Variants in CNGA3 observed in about 807,000 individuals in gnomAD.
The protein encoded by CNGA3 is cyclic nucleotide-gated channel alpha-3.
CNGA3 carries 42 observed loss-of-function variants against 46.6 expected under a neutral mutation model. That is an observed-to-expected ratio of 0.90 (90% CI 0.70 to 1.17). The LOEUF (loss-of-function observed/expected upper bound fraction) is 1.17, where lower values mean the gene tolerates loss of function less well. Ranked by LOEUF, CNGA3 falls within the 50% of genes most tolerant of loss-of-function variation. The pLI is 0.00. For synonymous variants in CNGA3, 394 were observed against 369.4 expected, an observed-to-expected ratio of 1.07 and a Z score of -0.76; for missense variants, 893 against 890.7, an observed-to-expected ratio of 1.00 and a Z score of -0.03.
At chr2:98,367,366 T>C (rs1390647424) in intron 1 of CNGA3, among the ~76,000 whole-genome samples, 2 of 151,626 alleles carry the variant, frequency 1.3e-5, no homozygotes, top group African/African-American at 4.8e-5. Flanking sequence ...GGCTAATTTT[T>C]TGTGTTTTTA....
intron 3 of CNGA3, 187 bp from the exon 4 acceptor site, chr2:98,379,988 G>T: frequency 1.5e-6 from 1 of 666,970 alleles, no homozygotes; most frequent in South Asian, 1.8e-5. Flanking sequence ...CGGTCCCCAT[G>T]GGGCAGAGAT....
At chr2:98,351,385 G>C (rs1455107352) in intron 1 of CNGA3, among the ~76,000 whole-genome samples, 1 of 152,192 alleles carries the variant, frequency 6.6e-6, no homozygotes, top group East Asian at 1.9e-4. Flanking sequence ...TCTCATGATA[G>C]TGAATAAGTC....
At chr2:98,367,674 C>T (rs1388395417) in intron 1 of CNGA3, among the ~76,000 whole-genome samples, 2 of 152,136 alleles carry the variant, frequency 1.3e-5, no homozygotes, top group Non-Finnish European at 2.9e-5. Flanking sequence ...CCCCCCATCA[C>T]CCCAGCTGTT....
chr2:98,369,118 G>A (rs1190320175), intron 1 of CNGA3, among the ~76,000 whole-genome samples: 2 of 152,202 alleles, frequency 1.3e-5, no homozygotes, highest in African/African-American at 2.4e-5. Flanking sequence ...TTAGCTTTGG[G>A]AAAGGGCTTT....
Position 98,396,787 on chromosome 2 carries a change from G to C in CNGA3, c.1617G>C (p.Val539=), listed in dbSNP as rs753933777. 1 of 1,614,198 alleles carries C rather than the reference G, an allele frequency of 6.2e-7. No individual in the cohort carries two copies. The highest frequency in any genetic ancestry group is 8.5e-7 in the Non-Finnish European group (1 of 1,180,052). The change falls in exon 8 of 8, where the codon GTG becomes GTC. Residue 539 remains valine, a synonymous_variant. Transcript: ENST00000272602. ...VVADDGVTQF[V]VLSDGSYFGE... ...CTGATGATGGGGTCACCCAGTTCGT[G>C]GTCCTCAGCGATGGCAGCTACTTCG...
rs771626009 is a variant in CNGA3, at chr2:98,380,126, T to TG, written c.216-43dup. On this transcript the variant is annotated intron_variant, in intron 3 of 7. Transcript: ENST00000272602. ...AGGGAAAGACTGGGGTTTGGGGGTG[T>TG]GGGGGGCTTTTCCTCTCCCTCTGGC... The TG allele has an allele frequency of 1.5e-5, 24 of 1,604,004 alleles. No homozygotes were observed. In the African/African-American group the frequency reaches 2.5e-4, roughly 17 times the overall value.
At chr2:98,371,677 G>A (rs1692291637) in intron 2 of CNGA3, among the ~76,000 whole-genome samples, 1 of 152,206 alleles carries the variant, frequency 6.6e-6, no homozygotes, top group South Asian at 2.1e-4. Flanking sequence ...GTCAATGCCT[G>A]CGTCGCACCA....
At chr2:98,380,458 A>G in intron 4 of CNGA3, 104 bp downstream of exon 4, 1 of 1,378,856 alleles carries the variant, frequency 7.3e-7, no homozygotes, top group South Asian at 1.2e-5. Context: ...GTGGCCTGGA[A>G]CGTCATCCCC....
At chr2:98,395,734 A>G in intron 7 of CNGA3, 110 bp from the exon 8 acceptor site, 2 of 827,220 alleles carry the variant, frequency 2.4e-6, no homozygotes, top group Non-Finnish European at 4.1e-6. Flanking sequence ...TTTCTATTAT[A>G]TATGTATCAC....
chr2:98,395,458 C>T (rs537301463), intron 7 of CNGA3, among the ~76,000 whole-genome samples: 6 of 152,208 alleles, frequency 3.9e-5, no homozygotes, highest in African/African-American at 9.7e-5. Flanking sequence ...GCATGAGCCA[C>T]GGCACCCGGC....
At position 98,396,071 on chromosome 2, in the gene CNGA3, T is replaced by C. The variant is rs775829395; in HGVS notation, c.901T>C (p.Phe301Leu). 9.9e-6 allele frequency: 16 copies of C among 1,614,082 alleles called. No individual in the cohort carries two copies. The highest frequency in any genetic ancestry group is 2.2e-5 in the East Asian group (1 of 44,900). ...TETRTNYPNM[F>L]RIGNLVLYIL... ...GACAAGGACCAACTACCCCAATATGTTCAGGATTGGGAACTTGGTCTTGTA... is the reference window on the plus strand; with the variant it reads ...GACAAGGACCAACTACCCCAATATGCTCAGGATTGGGAACTTGGTCTTGTA... The change falls in exon 8 of 8, where the codon TTC becomes CTC. Residue 301 changes from phenylalanine to leucine, a missense_variant. Physicochemically the swap from Phe to Leu is conservative, Grantham distance 22 (BLOSUM62 0). Transcript: ENST00000272602.
chr2:98,376,299 A>AT (rs1219804359), intron 2 of CNGA3, among the ~76,000 whole-genome samples: 1 of 152,052 alleles, frequency 6.6e-6, no homozygotes, highest in Non-Finnish European at 1.5e-5. Context: ...ACTTGCTCAC[A>AT]GGAGAAGGAC....
At chr2:98,364,295 T>G (rs900504771) in intron 1 of CNGA3, among the ~76,000 whole-genome samples, 2 of 152,110 alleles carry the variant, frequency 1.3e-5, no homozygotes, top group African/African-American at 4.8e-5. Flanking sequence ...GGAGAATCAC[T>G]TGAACCCAGG....
chr2:98,367,167 G>GTTTATTTTCTTTTTTTTTTT lies in CNGA3; in HGVS notation c.-37-2769_-37-2768insATTTTCTTTTTTTTTTTTTT, dbSNP rs751611132. Among the ~76,000 whole-genome samples, 67 of 101,594 alleles carry GTTTATTTTCTTTTTTTTTTT rather than the reference G, an allele frequency of 6.6e-4. 6 individuals are homozygous for GTTTATTTTCTTTTTTTTTTT. The highest frequency in any genetic ancestry group is 1.6e-3 in the Admixed American group (15 of 9,130). The allele number at this position is 101,594 out of a possible 152,430, so 66.6% of individuals were successfully genotyped here. A position where few individuals can be genotyped will look rare whatever the true frequency, so the allele number is the denominator to read the frequency against. On this transcript the variant is annotated intron_variant, in intron 1 of 7. Coordinates refer to ENST00000272602, the MANE Select transcript of CNGA3 (RefSeq NM_001298.3). Reference sequence around the variant, plus strand: ...TTGGTGAGAACCTCTGACATCAGCTGTTTTTTTTCTTTTTTTTCTTTTTTT... The same window carrying GTTTATTTTCTTTTTTTTTTT: ...TTGGTGAGAACCTCTGACATCAGCTGTTTATTTTCTTTTTTTTTTTTTTTTTTTCTTTTTTTTCTTTTTTT...
chr2:98,353,897 A>C (rs1691822216), intron 1 of CNGA3, among the ~76,000 whole-genome samples: 1 of 152,188 alleles, frequency 6.6e-6, no homozygotes, highest in African/African-American at 2.4e-5. Flanking sequence ...ACACACTTGT[A>C]AATGACCAGA....
intron 5 of CNGA3, 59 bp downstream of exon 5, chr2:98,383,500 A>G (rs1326775902): frequency 1.3e-6 from 2 of 1,566,950 alleles, no homozygotes; most frequent in African/African-American, 2.7e-5. Flanking sequence ...CACCCCATAG[A>G]AGCCCCAGCT....
intron 1 of CNGA3, among the ~76,000 whole-genome samples, chr2:98,352,717 C>T (rs1046739139): frequency 5.9e-5 from 9 of 152,002 alleles, no homozygotes; most frequent in South Asian, 2.1e-4. Context: ...ATTGCGAGCC[C>T]GGGTAGGATA....
At position 98,396,107 on chromosome 2, in the gene CNGA3, A is replaced by G; in HGVS notation, c.937A>G (p.Ile313Val). ...IGNLVLYILI[I>V]IHWNACIYFA... ...GAACTTGGTCTTGTACATTCTCATC[A>G]TCATCCACTGGAATGCCTGCATCTA... Residue 313 changes from isoleucine to valine, a missense_variant, in exon 8 of 8, where the codon ATC becomes GTC. Ile to Val is a conservative substitution (Grantham distance 29). Coordinates refer to ENST00000272602, the MANE Select transcript of CNGA3 (RefSeq NM_001298.3). 6.2e-7 allele frequency: 1 copy of G among 1,614,196 alleles called. No individual in the cohort carries two copies. Among genetic ancestry groups the G allele is most frequent in the East Asian group, 2.2e-5 (1 of 44,886 alleles).
chr2:98,387,708 A>G (rs1446914082), intron 5 of CNGA3, among the ~76,000 whole-genome samples: 1 of 152,070 alleles, frequency 6.6e-6, no homozygotes, highest in Non-Finnish European at 1.5e-5. Flanking sequence ...CTGCGACCAC[A>G]CGTATTTGCC....
Sources: allele counts gnomAD v4.1 joint callset (sites outside exome capture counted in the v4.1 genomes callset), GRCh38; gene constraint gnomAD v4.1.1; transcripts MANE v1.5; gene names NCBI Gene and HGNC (gene_info 2026-07-23, HGNC 2026-07-21).